Variants in SLC26A5 observed in about 807,000 individuals in gnomAD.
SLC26A5 encodes the protein prestin.
A neutral mutation model predicts 81.0 loss-of-function variants in SLC26A5; 51 were observed. The observed-to-expected ratio is 0.63, with a 90% CI of 0.50 to 0.80. The LOEUF (loss-of-function observed/expected upper bound fraction) is 0.80, where lower values mean the gene tolerates loss of function less well. Ranked by LOEUF, SLC26A5 falls within the 30% of genes least tolerant of loss-of-function variation. The pLI is 0.00. For synonymous variants in SLC26A5, 325 were observed against 332.8 expected (o/e 0.98, Z 0.25); for missense variants, 771 against 905.8 (o/e 0.85, Z 1.91).
chr7:103,359,438 T>C (rs957157846), intron 19 of SLC26A5, among the ~76,000 whole-genome samples: 6 of 152,168 alleles, frequency 3.9e-5, no homozygotes, highest in African/African-American at 1.4e-4. Flanking sequence ...AATTCCAGAA[T>C]AGAATATTTT....
intron 8 of SLC26A5, among the ~76,000 whole-genome samples, chr7:103,406,973 T>G (rs182017199): frequency 6.6e-6 from 1 of 152,290 alleles, no homozygotes; most frequent in East Asian, 1.9e-4. Context: ...TTTCTTATCC[T>G]TGCCGCTCCC....
chr7:103,377,493 G>T (rs1430053144), intron 18 of SLC26A5, 106 bp downstream of exon 18: 2 of 1,065,858 alleles, frequency 1.9e-6, no homozygotes, highest in Non-Finnish European at 2.9e-6. Context: ...ATCAAAAGGG[G>T]ATAAATCTTT....
chr7:103,363,506 A>C, intron 19 of SLC26A5: 1 of 1,379,756 alleles, frequency 7.2e-7, no homozygotes, highest in East Asian at 2.3e-5. Context: ...TGAGCACTAA[A>C]ATTGCTTGTA....
intron 11 of SLC26A5, 64 bp downstream of exon 11, chr7:103,391,558 T>C (rs1385643588): frequency 5.9e-6 from 8 of 1,359,548 alleles, no homozygotes; most frequent in African/African-American, 1.4e-5. Flanking sequence ...CAGAATATAA[T>C]CAAAAGATTA....
chr7:103,410,281 G>T (rs1048171164), intron 7 of SLC26A5, 104 bp downstream of exon 7: 2 of 1,024,040 alleles, frequency 2.0e-6, no homozygotes, highest in Admixed American at 1.9e-5. Context: ...GGAAATTACT[G>T]GAGAAAAAGA....
At chr7:103,353,409 C>T (rs1360123600) in intron 19 of SLC26A5, among the ~76,000 whole-genome samples, 2 of 152,154 alleles carry the variant, frequency 1.3e-5, no homozygotes, top group Non-Finnish European at 2.9e-5. Flanking sequence ...TGGGTTCAAG[C>T]AATTCTCCAG....
intron 2 of SLC26A5, among the ~76,000 whole-genome samples, chr7:103,438,516 C>T (rs1826633693): frequency 6.6e-6 from 1 of 151,972 alleles, no homozygotes; most frequent in South Asian, 2.1e-4. Flanking sequence ...CCACACCCAG[C>T]TAATTTTCAT....
At position 103,412,991 on chromosome 7, in the gene SLC26A5, T is replaced by C; in HGVS notation, c.403+11A>G. The stretch of plus-strand genomic sequence containing the variant: ...AGGAAAGGTAATAGAATATCAAATG[T>C]AAGCTTTTACCTATGGATATGTGTC... On this transcript the variant is annotated intron_variant, in intron 5 of 19. Coordinates refer to ENST00000306312, the MANE Select transcript of SLC26A5 (RefSeq NM_198999.3). The C allele has an allele frequency of 6.5e-7, 1 of 1,545,582 alleles. No homozygotes were observed. Among genetic ancestry groups the C allele is most frequent in the Non-Finnish European group, 8.9e-7 (1 of 1,117,610 alleles).
chr7:103,364,714 C>A (rs904789929), intron 19 of SLC26A5, among the ~76,000 whole-genome samples: 2 of 151,864 alleles, frequency 1.3e-5, no homozygotes, highest in Non-Finnish European at 2.9e-5. Flanking sequence ...GGCCTGAGAC[C>A]TGAAATTTCT....
chr7:103,385,143 A>G (rs1261009973), intron 14 of SLC26A5, among the ~76,000 whole-genome samples: 1 of 151,452 alleles, frequency 6.6e-6, no homozygotes, highest in Non-Finnish European at 1.5e-5. Context: ...CTGCAGAATG[A>G]TGTGATTGTC....
chr7:103,408,105 A>T, intron 7 of SLC26A5, 102 bp from the exon 8 acceptor site: 1 of 1,482,242 alleles, frequency 6.7e-7, no homozygotes, highest in South Asian at 1.2e-5. Flanking sequence ...CCGTTATTGG[A>T]TATTTCTAGT....
intron 6 of SLC26A5, among the ~76,000 whole-genome samples, chr7:103,411,201 G>T (rs1824459778): frequency 6.6e-6 from 1 of 152,128 alleles, no homozygotes; most frequent in Admixed American, 6.5e-5. Flanking sequence ...TGTCAAACTT[G>T]TCTTGCTTTT....
At chr7:103,386,325 T>C (rs6651112) in intron 14 of SLC26A5, among the ~76,000 whole-genome samples, 9,002 of 152,028 alleles carry the variant, frequency 0.059, 894 homozygotes, top group African/African-American at 0.21. Flanking sequence ...CCCAGCACTT[T>C]GGGAGTCCGA....
chr7:103,372,612 C>T (rs533563440), downstream of SLC26A5, among the ~76,000 whole-genome samples: 1 of 152,258 alleles, frequency 6.6e-6, no homozygotes, highest in Non-Finnish European at 1.5e-5. Flanking sequence ...ATTATGCTTA[C>T]TCCTAGGCTG....
At chr7:103,359,750 C>A (rs527925059) in intron 19 of SLC26A5, among the ~76,000 whole-genome samples, 3 of 152,054 alleles carry the variant, frequency 2.0e-5, no homozygotes, top group Non-Finnish European at 4.4e-5. Context: ...ATATGGTTTC[C>A]TTTAGCTTTT....
chr7:103,364,338 C>T, intron 19 of SLC26A5: 11 of 1,608,508 alleles, frequency 6.8e-6, no homozygotes, highest in Non-Finnish European at 9.4e-6. Context: ...AATATATAGC[C>T]TTGTGAAAGA....
At chr7:103,388,874 T>C (rs1822416290) in intron 14 of SLC26A5, 134 bp downstream of exon 14, 3 of 701,226 alleles carry the variant, frequency 4.3e-6, no homozygotes, top group Non-Finnish European at 5.2e-6. Flanking sequence ...ACATGAGTGT[T>C]ATAGCTCCCT....
Position 103,367,610 on chromosome 7 carries a change from C to A in SLC26A5, c.2041+9198G>T. On this transcript the variant is annotated intron_variant, in intron 19 of 19. Transcript: ENST00000339444. The surrounding 1 kb of genome is among the most constrained non-coding windows in gnomAD (Gnocchi z 6.1). Reference sequence around the variant, plus strand: ...AAAAATTGAATTTAGCTTGCCCGATCTAGAGGTAAGAAAACCATTTCATTT... The same window carrying A: ...AAAAATTGAATTTAGCTTGCCCGATATAGAGGTAAGAAAACCATTTCATTT... The A allele has an allele frequency of 6.2e-7, 1 of 1,613,884 alleles. No individual in the cohort carries two copies. Among genetic ancestry groups the A allele is most frequent in the Non-Finnish European group, 8.5e-7 (1 of 1,179,902 alleles).
chr7:103,393,042 G>T lies in SLC26A5; in HGVS notation c.996C>A (p.Asp332Glu). Reference sequence around the variant, plus strand: ...CGTACACAAGGTGGAAGAGGCTGGTGTCCGGATTGGCTGGAGGTAGCAGCC... The same window carrying T: ...CGTACACAAGGTGGAAGAGGCTGGTTTCCGGATTGGCTGGAGGTAGCAGCC... ...PLGLLPPANP[D>E]TSLFHLVYVD... Residue 332 changes from aspartate (D) to glutamate (E), a missense_variant, in exon 10 of 20, where the codon GAC becomes GAA. By Grantham distance (45) the Asp-to-Glu change is conservative (BLOSUM62 2). Transcript: ENST00000306312. 6.2e-7 allele frequency: 1 copy of T among 1,614,022 alleles called. No individual in the cohort carries two copies. The highest frequency in any genetic ancestry group is 2.2e-5 in the East Asian group (1 of 44,880).
Sources: gnomAD v4.1 joint callset for allele counts (sites outside exome capture counted in the v4.1 genomes callset) on GRCh38, gnomAD v4.1.1 for gene constraint, Gnocchi (gnomAD v3.1) non-coding constraint, MANE v1.5 for transcripts, NCBI Gene and HGNC (gene_info 2026-07-23, HGNC 2026-07-21) for gene names.